ZNF654: variants seen among roughly 807,000 people sequenced by gnomAD.
ZNF654 encodes the protein zinc finger protein 654, also known as melanoma-associated antigen.
In ZNF654, 19 loss-of-function variants were observed where a neutral mutation model predicts 95.3. The observed-to-expected ratio is 0.20, with a 90% CI of 0.14 to 0.29. The LOEUF is 0.29. Among genes scored for constraint, ZNF654 ranks in the 10% least tolerant of loss-of-function variants. The probability of loss-of-function intolerance (pLI) is 1.00; values close to 1 mark genes in which losing one functional copy is unlikely to be tolerated. For synonymous variants in ZNF654, 413 were observed against 457.9 expected (o/e 0.90, Z 1.25); for missense variants, 1,046 against 1,341.0 (o/e 0.78, Z 3.44).
intron 7 of ZNF654, among the ~76,000 whole-genome samples, chr3:88,136,921 G>A (rs1292691169): frequency 2.6e-5 from 4 of 152,038 alleles, no homozygotes; most frequent in African/African-American, 4.8e-5. Flanking sequence ...TAGGCTGGGC[G>A]CGATGGCTTA....
intron 1 of ZNF654, among the ~76,000 whole-genome samples, chr3:88,064,507 G>A (rs1022829717): frequency 3.3e-5 from 5 of 152,080 alleles, no homozygotes; most frequent in African/African-American, 1.2e-4. Context: ...TGATCTTTTT[G>A]TTTCTGACTC....
Position 88,135,068 on chromosome 3 carries a change from A to G in ZNF654, c.901A>G (p.Ile301Val). ...TTTTTTTCTCATTTACAGGGAGTTG[A>G]TTTTCATATGGAGTAAACTACAGCT... ...NGDMYCIWEL[I>V]FIWSKLQLKS... The change falls in exon 7 of 9, where the codon ATT becomes GTT. Residue 301 changes from isoleucine (I) to valine (V), a missense_variant. Coordinates refer to ENST00000636215, the MANE Select transcript of ZNF654 (RefSeq NM_001350134.2). The G allele has an allele frequency of 7.0e-7, 1 of 1,419,874 alleles. No individual in the cohort carries two copies. The allele number at this position is 1,419,874 out of a possible 1,614,324, so 88.0% of individuals were successfully genotyped here. A position where few individuals can be genotyped will look rare whatever the true frequency, so the allele number is the denominator to read the frequency against.
rs143485346 is a variant in ZNF654, at chr3:88,079,656, T to C, written c.187-6601T>C. Among the ~76,000 whole-genome samples the C allele has an allele frequency of 2.7e-3, 411 of 152,132 alleles. 2 individuals are homozygous for C. Among genetic ancestry groups the C allele is most frequent in the African/African-American group, 9.0e-3 (373 of 41,548 alleles). ...GGGTATTTTTGCTCTGGTTGGTAGG[T>C]TGGACTAGATAATCTTCAAGATTCC... On this transcript the variant is annotated intron_variant, in intron 1 of 8. Transcript: ENST00000636215.
intron 6 of ZNF654, among the ~76,000 whole-genome samples, chr3:88,133,649 TC>T (rs1375738602): frequency 6.6e-6 from 1 of 152,122 alleles, no homozygotes; most frequent in African/African-American, 2.4e-5. Context: ...AGTTAGGAGT[TC>T]CTGAGATTCA....
rs1576257826 is a variant in ZNF654, at chr3:88,093,658, A to G, written c.332+7256A>G. Among the ~76,000 whole-genome samples, 8 of 152,352 alleles carry G rather than the reference A, an allele frequency of 5.3e-5. No homozygotes were observed. The South Asian group carries it at 1.4e-3, about 28-fold the overall frequency. ...GACTAGACTACACATGTAATGTTAG[A>G]TCACTGATCCTTTCTGATTATGTTG... On this transcript the variant is annotated intron_variant, in intron 2 of 8. Transcript: ENST00000636215.
chr3:88,088,243 T>C (rs1708439263), intron 2 of ZNF654, among the ~76,000 whole-genome samples: 1 of 152,180 alleles, frequency 6.6e-6, no homozygotes, highest in South Asian at 2.1e-4. Flanking sequence ...CTCATAGGGC[T>C]CCCAATTATT....
intron 3 of ZNF654, among the ~76,000 whole-genome samples, chr3:88,124,037 A>G (rs527943674): frequency 6.6e-6 from 1 of 152,334 alleles, no homozygotes; most frequent in African/African-American, 2.4e-5. Context: ...ATATTTAATG[A>G]ATGCTTTAAC....
At chr3:88,075,911 T>C (rs886860310) in intron 1 of ZNF654, among the ~76,000 whole-genome samples, 3 of 152,204 alleles carry the variant, frequency 2.0e-5, no homozygotes, top group Non-Finnish European at 4.4e-5. Context: ...AAAAAAATCT[T>C]ACCAGCACAA....
chr3:88,112,210 T>C (rs1464212721), intron 2 of ZNF654, among the ~76,000 whole-genome samples: 1 of 151,836 alleles, frequency 6.6e-6, no homozygotes, highest in East Asian at 1.9e-4. Flanking sequence ...TATATAATTT[T>C]AAAAGCATAT....
At chr3:88,070,564 T>G (rs1287003936) in intron 1 of ZNF654, among the ~76,000 whole-genome samples, 1 of 1,572 alleles carries the variant, frequency 6.4e-4, no homozygotes, top group African/African-American at 2.6e-3. Context: ...ACACTGCCTG[T>G]TTTTTTTTTT....
chr3:88,074,463 T>C (rs1171394217), intron 1 of ZNF654, among the ~76,000 whole-genome samples: 5 of 150,794 alleles, frequency 3.3e-5, no homozygotes, highest in Non-Finnish European at 7.4e-5. Context: ...TGCCTCAGCC[T>C]CCCAAGTAGC....
chr3:88,133,459 G>C (rs142284859), intron 6 of ZNF654, among the ~76,000 whole-genome samples: 1 of 152,202 alleles, frequency 6.6e-6, no homozygotes, highest in African/African-American at 2.4e-5. Flanking sequence ...CATGAAATCA[G>C]TAAGAGGGAT....
At chr3:88,084,255 A>G (rs973226088) in intron 1 of ZNF654, among the ~76,000 whole-genome samples, 2 of 152,212 alleles carry the variant, frequency 1.3e-5, no homozygotes, top group Admixed American at 6.5e-5. Flanking sequence ...TCTTCTAAGG[A>G]GATAAACCCA....
intron 1 of ZNF654, among the ~76,000 whole-genome samples, chr3:88,077,102 T>C (rs1359422505): frequency 2.0e-5 from 3 of 152,270 alleles, no homozygotes; most frequent in African/African-American, 7.2e-5. Context: ...TAAACAGGAA[T>C]GTAGAGGAAA....
At chr3:88,085,147 A>C (rs1259669200) in intron 1 of ZNF654, among the ~76,000 whole-genome samples, 1 of 152,214 alleles carries the variant, frequency 6.6e-6, no homozygotes, top group Non-Finnish European at 1.5e-5. Flanking sequence ...TTAGTGTGAA[A>C]AGTCTTTTGG....
At chr3:88,132,635 G>A (rs1192856873) in intron 6 of ZNF654, among the ~76,000 whole-genome samples, 2 of 152,136 alleles carry the variant, frequency 1.3e-5, no homozygotes, top group East Asian at 1.9e-4. Flanking sequence ...AATCCATAGT[G>A]GTAGTCTTCT....
At chr3:88,092,307 T>C (rs1389821574) in intron 2 of ZNF654, among the ~76,000 whole-genome samples, 5 of 152,182 alleles carry the variant, frequency 3.3e-5, no homozygotes, top group Non-Finnish European at 5.9e-5. Context: ...AGGGATAAAA[T>C]AGAATATAAG....
In ZNF654 at chr3:88,142,657, G is replaced by C. The variant is rs1707188973; in HGVS notation, c.*1005G>C. 6.6e-6 allele frequency: 1 copy of C among 152,236 alleles called. No homozygotes were observed. The highest frequency in any genetic ancestry group is 1.5e-5 in the Non-Finnish European group (1 of 67,800). The allele number at this position is 152,236 out of a possible 1,614,324, so 9.4% of individuals were successfully genotyped here. A position where few individuals can be genotyped will look rare whatever the true frequency, so the allele number is the denominator to read the frequency against. On this transcript the variant is annotated 3_prime_UTR_variant, in exon 9 of 9. Coordinates refer to ENST00000636215, the MANE Select transcript of ZNF654 (RefSeq NM_001350134.2). Reference sequence around the variant, plus strand: ...GGCTCAAAAAATCAGCTAAGAATCAGGTTGAGAAATCATTCATTTTATTCT... The same window carrying C: ...GGCTCAAAAAATCAGCTAAGAATCACGTTGAGAAATCATTCATTTTATTCT...
At chr3:88,072,590 G>A (rs1350670109) in intron 1 of ZNF654, among the ~76,000 whole-genome samples, 2 of 152,154 alleles carry the variant, frequency 1.3e-5, no homozygotes, top group East Asian at 3.9e-4. Context: ...ATCCTCCACA[G>A]ATAGACTCTT....
Sources: gnomAD v4.1 joint callset for allele counts (sites outside exome capture counted in the v4.1 genomes callset) on GRCh38, gnomAD v4.1.1 for gene constraint, MANE v1.5 for transcripts, NCBI Gene and HGNC (gene_info 2026-07-23, HGNC 2026-07-21) for gene names.